TMED2: variants seen among roughly 807,000 people sequenced by gnomAD.
TMED2 encodes transmembrane emp24 domain-containing protein 2.
A neutral mutation model predicts 17.5 loss-of-function variants in TMED2; 3 were observed. The ratio of observed to expected loss-of-function variants is 0.17; its 90% CI spans 0.08 to 0.44. The LOEUF (loss-of-function observed/expected upper bound fraction) is 0.44. TMED2 is among the 20% of genes least tolerant of loss of function. TMED2 has a pLI of 0.99. For missense variants in TMED2, 149 were observed against 254.8 expected (o/e 0.58, Z 2.83); for synonymous variants, 95 against 91.0 (o/e 1.04, Z -0.25).
At chr12:123,595,309 G>T (rs905069749) in intron 3 of TMED2, among the ~76,000 whole-genome samples, 1 of 152,156 alleles carries the variant, frequency 6.6e-6, no homozygotes, top group South Asian at 2.1e-4. Context: ...AGTAGGTGTG[G>T]ATTTTACTTT....
chr12:123,594,355 C>T (rs377293401), intron 3 of TMED2, among the ~76,000 whole-genome samples: 5 of 151,562 alleles, frequency 3.3e-5, no homozygotes, highest in Non-Finnish European at 5.9e-5. Flanking sequence ...AGGATGGTCT[C>T]GATCTCCTGA....
intron 2 of TMED2, among the ~76,000 whole-genome samples, chr12:123,588,957 C>A (rs1360774329): frequency 6.6e-6 from 1 of 152,174 alleles, no homozygotes; most frequent in Non-Finnish European, 1.5e-5. Flanking sequence ...CCCTTGGTTT[C>A]TCCTAAGAAA....
At chr12:123,591,246 G>A in intron 3 of TMED2, among the ~76,000 whole-genome samples, 1 of 152,172 alleles carries the variant, frequency 6.6e-6, no homozygotes, top group East Asian at 1.9e-4. Flanking sequence ...GTGAAGATCA[G>A]TTTGGGTCCT....
In TMED2 at chr12:123,584,784, G is replaced by A; in HGVS notation, c.148G>A (p.Ala50Thr). ...GTKMGLIFEV[A>T]EGGFLDIDVE... ...CAAGATGGGCCTCATCTTCGAGGTG[G>A]CGGAGGGCGGCTTCCTGGACATCGA... Residue 50 changes from alanine to threonine, a missense_variant, in exon 1 of 4, where the codon GCG (alanine) becomes ACG (threonine). Physicochemically the swap from Ala to Thr is moderately conservative, Grantham distance 58 (BLOSUM62 0). Coordinates refer to ENST00000262225, the MANE Select transcript of TMED2 (RefSeq NM_006815.4). 1 of 1,612,424 alleles carries A rather than the reference G, an allele frequency of 6.2e-7. No individual in the cohort carries two copies. The highest frequency in any genetic ancestry group is 8.5e-7 in the Non-Finnish European group (1 of 1,179,852).
At chr12:123,594,253 G>T (rs183056187) in intron 3 of TMED2, among the ~76,000 whole-genome samples, 1 of 151,510 alleles carries the variant, frequency 6.6e-6, no homozygotes, top group Non-Finnish European at 1.5e-5. Flanking sequence ...TCCTGCCTCA[G>T]CCTCTCGAGT....
intron 3 of TMED2, 97 bp downstream of exon 3, chr12:123,590,546 T>G: frequency 1.0e-6 from 1 of 976,372 alleles, no homozygotes; most frequent in Non-Finnish European, 1.5e-6. Flanking sequence ...ACTTTGCAAA[T>G]TTTATGTGAA....
intron 3 of TMED2, among the ~76,000 whole-genome samples, chr12:123,591,485 G>A (rs937137588): frequency 6.6e-6 from 1 of 152,152 alleles, no homozygotes; most frequent in Non-Finnish European, 1.5e-5. Flanking sequence ...TTCTTGGGGA[G>A]ATGAAAAGAG....
chr12:123,585,337 G>A (rs1886321692), intron 1 of TMED2, among the ~76,000 whole-genome samples: 5 of 152,180 alleles, frequency 3.3e-5, no homozygotes, highest in Admixed American at 3.3e-4. Flanking sequence ...TTTCATAGAA[G>A]CAACCTTAAG....
At chr12:123,596,239 T>A (rs1164467049) in intron 3 of TMED2, among the ~76,000 whole-genome samples, 1 of 152,142 alleles carries the variant, frequency 6.6e-6, no homozygotes, top group Non-Finnish European at 1.5e-5. Flanking sequence ...AAATAGAAAA[T>A]AATAATAAAA....
At chr12:123,587,260 A>G (rs1953357406) in intron 2 of TMED2, among the ~76,000 whole-genome samples, 1 of 151,932 alleles carries the variant, frequency 6.6e-6, no homozygotes, top group South Asian at 2.1e-4. Context: ...GATTCTCCCA[A>G]GTAGCGTCAG....
rs113951766 is a variant in TMED2 at position 123,595,887 on chromosome 12, A to G, written c.482-718A>G. Among the ~76,000 whole-genome samples, 37 of 152,140 alleles carry G rather than the reference A, an allele frequency of 2.4e-4. 1 individual carries two copies. The highest frequency in any genetic ancestry group is 8.8e-5 in the Non-Finnish European group (6 of 68,014). The stretch of plus-strand genomic sequence containing the variant: ...CTACAAAAACAGAAAAAATTAGTCA[A>G]ATGGGCTGGTGCATACCTGTACTCC... On this transcript the variant is annotated intron_variant, in intron 3 of 3. Transcript: ENST00000262225.
At chr12:123,595,380 G>A (rs1036101321) in intron 3 of TMED2, among the ~76,000 whole-genome samples, 1 of 152,130 alleles carries the variant, frequency 6.6e-6, no homozygotes, top group African/African-American at 2.4e-5. Context: ...TGTATTTGAT[G>A]GTCTGGTAGT....
At chr12:123,585,036 G>T (rs949964582) in intron 1 of TMED2, 31 of 562,406 alleles carry the variant, frequency 5.5e-5, no homozygotes, top group Middle Eastern at 4.9e-4. Context: ...TCCCTTGGGG[G>T]CTCCTTCGGC....
intron 3 of TMED2, 55 bp downstream of exon 3, chr12:123,590,504 C>T: frequency 7.2e-7 from 1 of 1,395,174 alleles, no homozygotes. Flanking sequence ...TTGTTTTACT[C>T]AACAGCTTGC....
In TMED2 at chr12:123,596,995, T is replaced by C. The variant is rs1326998750; in HGVS notation, c.*266T>C. ...GAACTCAAACACTGTAAGTGAAATA[T>C]GGGAGTATAGTTTTTATTATTTCTT... On this transcript the variant is annotated 3_prime_UTR_variant, in exon 4 of 4. Transcript: ENST00000262225. 1 of 227,126 alleles carries C rather than the reference T, an allele frequency of 4.4e-6. No individual in the cohort carries two copies. The highest frequency in any genetic ancestry group is 8.5e-6 in the Non-Finnish European group (1 of 116,970). 14.1% of individuals were successfully genotyped at this position (227,126 alleles called of 1,614,324 possible).
chr12:123,596,980 A>G lies in TMED2; in HGVS notation c.*251A>G, dbSNP rs1953435500. The G allele has an allele frequency of 3.9e-6, 1 of 257,908 alleles. No homozygotes were observed. The highest frequency in any genetic ancestry group is 7.3e-6 in the Non-Finnish European group (1 of 137,294). The allele number at this position is 257,908 out of a possible 1,614,324, so 16.0% of individuals were successfully genotyped here. A position where few individuals can be genotyped will look rare whatever the true frequency, so the allele number is the denominator to read the frequency against. ...TATAGGTCCTTCCAGGAACTCAAAC[A>G]CTGTAAGTGAAATATGGGAGTATAG... On this transcript the variant is annotated 3_prime_UTR_variant, in exon 4 of 4. Transcript: ENST00000262225.
At position 123,596,970 on chromosome 12, in the gene TMED2, G is replaced by A. The variant is rs1002187860; in HGVS notation, c.*241G>A. ...GCCTCCATTATATAGGTCCTTCCAG[G>A]AACTCAAACACTGTAAGTGAAATAT... On this transcript the variant is annotated 3_prime_UTR_variant, in exon 4 of 4. Coordinates refer to ENST00000262225, the MANE Select transcript of TMED2 (RefSeq NM_006815.4). 18 of 280,062 alleles carry A rather than the reference G, an allele frequency of 6.4e-5. No homozygotes were observed. The highest frequency in any genetic ancestry group is 9.2e-5 in the Non-Finnish European group (14 of 152,200). The allele number at this position is 280,062 out of a possible 1,614,324, so 17.3% of individuals were successfully genotyped here.
chr12:123,594,416 G>A lies in TMED2; in HGVS notation c.482-2189G>A, dbSNP rs1408283811. On this transcript the variant is annotated intron_variant, in intron 3 of 3. Transcript: ENST00000262225. ...CACAAAGTGCTGGGATTACAGGCAT[G>A]AGCCACTGTGCCCAGCCTACATAGT... Among the ~76,000 whole-genome samples, 8 of 152,030 alleles carry A rather than the reference G, an allele frequency of 5.3e-5. No homozygotes were observed. The East Asian group carries it at 1.6e-3, about 29-fold the overall frequency.
At position 123,590,313 on chromosome 12, in the gene TMED2, A is replaced by AT. The variant is rs772420965; in HGVS notation, c.374-28dup. 3 of 1,528,136 alleles carry AT rather than the reference A, an allele frequency of 2.0e-6. No homozygotes were observed. In the South Asian group the frequency reaches 3.6e-5, roughly 18 times the overall value. 94.7% of individuals were successfully genotyped at this position (1,528,136 alleles called of 1,614,324 possible). Reference sequence around the variant, plus strand: ...AAAAAAAAAAAAAAGACATTGACAAATGTGTTTTGTTTTCAAATCCTTCTA... The same window carrying AT: ...AAAAAAAAAAAAAAGACATTGACAAATTGTGTTTTGTTTTCAAATCCTTCTA... On this transcript the variant is annotated intron_variant, in intron 2 of 3. Coordinates refer to ENST00000262225, the MANE Select transcript of TMED2 (RefSeq NM_006815.4).
Sources: allele counts gnomAD v4.1 joint callset (sites outside exome capture counted in the v4.1 genomes callset), GRCh38; gene constraint gnomAD v4.1.1; transcripts MANE v1.5; gene names NCBI Gene and HGNC (gene_info 2026-07-23, HGNC 2026-07-21).